The following IQCM variants were observed in gnomAD, a reference collection of about 807,000 sequenced individuals.
The protein encoded by IQCM is IQ motif containing M, also known as IQ domain-containing protein M.
A neutral mutation model predicts 57.6 loss-of-function variants in IQCM; 45 were observed. That is an observed-to-expected ratio of 0.78 (90% confidence interval 0.62 to 1.00). The LOEUF is 1.00. IQCM is among the 50% of genes least tolerant of loss of function. IQCM has a pLI of 0.00. For synonymous variants in IQCM, 148 were observed against 158.9 expected (o/e 0.93, Z 0.51); for missense variants, 468 against 511.6 (o/e 0.91, Z 0.82).
At chr4:149,431,420 C>T (rs771238748) in intron 13 of IQCM, among the ~76,000 whole-genome samples, 7 of 151,814 alleles carry the variant, frequency 4.6e-5, no homozygotes, top group East Asian at 1.9e-4. Context: ...TGACTAATGA[C>T]GGTACACATC....
chr4:149,649,149 C>T (rs941291454), intron 7 of IQCM, among the ~76,000 whole-genome samples: 1 of 151,776 alleles, frequency 6.6e-6, no homozygotes, highest in Non-Finnish European at 1.5e-5. Flanking sequence ...CTCTTTTTTT[C>T]CTCAGCAACA....
rs143573119 is a variant in IQCM at position 149,669,069 on chromosome 4, G to A, written c.565+13049C>T. On this transcript the variant is annotated intron_variant, in intron 7 of 13. Coordinates refer to ENST00000636793, the MANE Select transcript of IQCM (RefSeq NM_001363507.2). ...CTGATAGAAGATGTCTTCCACAATG[G>A]TTGAATTAGTTTACAGTCCCACCAA... Among the ~76,000 whole-genome samples the A allele has an allele frequency of 1.5e-3, 231 of 152,264 alleles. 2 individuals carry two copies. Among genetic ancestry groups the A allele is most frequent in the Middle Eastern group, 0.014 (4 of 294 alleles).
At chr4:149,647,103 G>A (rs1758708878) in intron 7 of IQCM, among the ~76,000 whole-genome samples, 1 of 151,548 alleles carries the variant, frequency 6.6e-6, no homozygotes, top group Non-Finnish European at 1.5e-5. Flanking sequence ...TTATTATGTT[G>A]TTTGAAACCC....
chr4:149,636,101 C>A (rs1401746279), intron 7 of IQCM, among the ~76,000 whole-genome samples: 4 of 151,972 alleles, frequency 2.6e-5, no homozygotes, highest in African/African-American at 9.7e-5. Context: ...ACGAACCAGA[C>A]AGTCTACAAA....
chr4:149,403,721 C>G (rs945383475), intron 13 of IQCM, among the ~76,000 whole-genome samples: 2 of 151,908 alleles, frequency 1.3e-5, no homozygotes, highest in Non-Finnish European at 2.9e-5. Flanking sequence ...GAAAAAGGAA[C>G]AGCTTCGAGG....
chr4:149,361,707 T>C (rs538561791), intron 13 of IQCM, among the ~76,000 whole-genome samples: 1 of 152,248 alleles, frequency 6.6e-6, no homozygotes, highest in East Asian at 1.9e-4. Context: ...TGGAAATGCC[T>C]AGAAGCCCAG....
At chr4:149,621,897 C>A (rs538426488) in intron 7 of IQCM, among the ~76,000 whole-genome samples, 6 of 152,182 alleles carry the variant, frequency 3.9e-5, no homozygotes, top group Non-Finnish European at 8.8e-5. Flanking sequence ...AAATTCAGTT[C>A]AATCCTGCCA....
chr4:149,373,554 G>A (rs1348768192), intron 13 of IQCM, among the ~76,000 whole-genome samples: 1 of 152,050 alleles, frequency 6.6e-6, no homozygotes, highest in African/African-American at 2.4e-5. Flanking sequence ...AATCTAGCTA[G>A]TCAACAGACT....
chr4:149,538,347 C>T (rs1383954922), intron 12 of IQCM, among the ~76,000 whole-genome samples: 3 of 151,510 alleles, frequency 2.0e-5, no homozygotes, highest in South Asian at 2.1e-4. Context: ...ATGTATATTG[C>T]AACACCTAGA....
chr4:149,593,612 T>A (rs1753444216), intron 8 of IQCM, among the ~76,000 whole-genome samples: 2 of 152,142 alleles, frequency 1.3e-5, no homozygotes, highest in Non-Finnish European at 2.9e-5. Context: ...ATAGCTCTTA[T>A]TATTTTGAGA....
At chr4:149,501,377 G>C (rs1197754583) in intron 12 of IQCM, among the ~76,000 whole-genome samples, 2 of 152,084 alleles carry the variant, frequency 1.3e-5, no homozygotes, top group Admixed American at 6.6e-5. Context: ...TTCAGTATTT[G>C]ATAAATAAAA....
At chr4:149,606,479 C>A (rs1490261272) in intron 8 of IQCM, among the ~76,000 whole-genome samples, 1 of 152,004 alleles carries the variant, frequency 6.6e-6, no homozygotes, top group East Asian at 1.9e-4. Flanking sequence ...AAATAAATAC[C>A]TAATTCGTCA....
intron 2 of IQCM, among the ~76,000 whole-genome samples, chr4:149,747,813 T>G (rs959395187): frequency 2.0e-5 from 3 of 152,178 alleles, no homozygotes; most frequent in Non-Finnish European, 2.9e-5. Context: ...AACCTTCCTC[T>G]AAATTTCTAA....
chr4:149,602,914 T>C (rs571986966), intron 8 of IQCM, among the ~76,000 whole-genome samples: 3 of 152,024 alleles, frequency 2.0e-5, no homozygotes, highest in Non-Finnish European at 4.4e-5. Flanking sequence ...TTTAACCATA[T>C]ATAACAAAAT....
intron 8 of IQCM, among the ~76,000 whole-genome samples, chr4:149,617,550 C>T (rs1309315686): frequency 6.6e-6 from 1 of 152,094 alleles, no homozygotes; most frequent in African/African-American, 2.4e-5. Context: ...AAAAAGGTCA[C>T]TTTATTGACC....
At chr4:149,373,799 A>G (rs1480529625) in intron 13 of IQCM, among the ~76,000 whole-genome samples, 2 of 152,054 alleles carry the variant, frequency 1.3e-5, no homozygotes, top group African/African-American at 2.4e-5. Flanking sequence ...GATCTAGAAC[A>G]CTGAGAAATT....
chr4:149,620,411 AG>A (rs1168087398), intron 8 of IQCM, among the ~76,000 whole-genome samples: 1 of 152,212 alleles, frequency 6.6e-6, no homozygotes, highest in African/African-American at 2.4e-5. Flanking sequence ...AGAGAGAAAA[AG>A]ATAAAGAAGA....
chr4:149,620,087 G>A (rs973767419), intron 8 of IQCM, among the ~76,000 whole-genome samples: 2 of 152,148 alleles, frequency 1.3e-5, no homozygotes, highest in Admixed American at 6.6e-5. Context: ...AACCCGGCAG[G>A]TGGAGGTTGC....
At chr4:149,463,619 G>A (rs1289807264) in intron 12 of IQCM, among the ~76,000 whole-genome samples, 2 of 152,124 alleles carry the variant, frequency 1.3e-5, no homozygotes, top group Non-Finnish European at 1.5e-5. Flanking sequence ...AAATTGTGAT[G>A]GCTAAATTAA....
Sources: allele counts gnomAD v4.1 joint callset (sites outside exome capture counted in the v4.1 genomes callset), GRCh38; gene constraint gnomAD v4.1.1; transcripts MANE v1.5; gene names NCBI Gene and HGNC (gene_info 2026-07-23, HGNC 2026-07-21).